Variants in FAM89A observed in about 807,000 individuals in gnomAD.
FAM89A encodes family with sequence similarity 89 member A.
A neutral mutation model predicts 7.1 loss-of-function variants in FAM89A; 10 were observed. The observed-to-expected ratio is 1.40, with a 90% CI of 0.86 to 2.38. The LOEUF is 2.38. FAM89A is among the 30% of genes most tolerant of loss of function. The pLI, the probability that FAM89A is intolerant of heterozygous loss-of-function variation, is 0.00. For missense variants in FAM89A, 276 were observed against 262.8 expected, an observed-to-expected ratio of 1.05 and a Z score of -0.35; for synonymous variants, 157 against 129.3, an observed-to-expected ratio of 1.21 and a Z score of -1.45.
rs181224455 is a variant in FAM89A at position 231,031,778 on chromosome 1, A to G, written c.291+8143T>C. Among the ~76,000 whole-genome samples the G allele has an allele frequency of 6.9e-4, 105 of 152,358 alleles. No individual in the cohort carries two copies. The East Asian group carries it at 0.011, about 16-fold the overall frequency. ...TGTTTTGTAACTTTACACTGTGAAC[A>G]TCTTTCTATATACATATATAGTTAC... On this transcript the variant is annotated intron_variant, in intron 1 of 1. Coordinates refer to ENST00000366654, the MANE Select transcript of FAM89A (RefSeq NM_198552.3).
At chr1:231,038,793 T>C (rs957370592) in intron 1 of FAM89A, among the ~76,000 whole-genome samples, 3 of 152,204 alleles carry the variant, frequency 2.0e-5, no homozygotes, top group Admixed American at 1.3e-4. Flanking sequence ...AAAAAAAGTA[T>C]GCATACCCTG....
intron 1 of FAM89A, 69 bp downstream of exon 1, chr1:231,039,852 G>C: frequency 7.9e-7 from 1 of 1,262,092 alleles, no homozygotes; most frequent in Non-Finnish European, 1.0e-6. Flanking sequence ...ACAGAGCGCG[G>C]TCCCCGCGAA....
chr1:231,020,570 A>G (rs1679858438), intron 1 of FAM89A, among the ~76,000 whole-genome samples: 1 of 152,188 alleles, frequency 6.6e-6, no homozygotes, highest in Non-Finnish European at 1.5e-5. Flanking sequence ...CTCAACTCCC[A>G]GGGGCAACAG....
chr1:231,022,572 ACACATT>A (rs1326067416), intron 1 of FAM89A, among the ~76,000 whole-genome samples: 3 of 152,124 alleles, frequency 2.0e-5, no homozygotes, highest in Non-Finnish European at 4.4e-5. Context: ...TCTGCCTGCC[ACACATT>A]GACCAAGCCA....
chr1:231,019,252 T>C lies in FAM89A; in HGVS notation c.*611A>G, dbSNP rs1286206605. ...CGTATCTGATAGACAAAGAATGATA[T>C]AAAATTTTGGTTGAAAAAAGCCAGT... On this transcript the variant is annotated 3_prime_UTR_variant, in exon 2 of 2. Coordinates refer to ENST00000366654, the MANE Select transcript of FAM89A (RefSeq NM_198552.3). The C allele has an allele frequency of 6.6e-6, 1 of 151,462 alleles. No homozygotes were observed. The highest frequency in any genetic ancestry group is 1.5e-5 in the Non-Finnish European group (1 of 67,956). The allele number at this position is 151,462 out of a possible 1,614,324, so 9.4% of individuals were successfully genotyped here.
At chr1:231,022,243 C>T (rs1679892346) in intron 1 of FAM89A, 1 of 834,948 alleles carries the variant, frequency 1.2e-6, no homozygotes, top group African/African-American at 1.7e-5. Context: ...TGGTATCTGC[C>T]TCCATTTTCC....
chr1:231,019,207 C>T lies in FAM89A; in HGVS notation c.*656G>A, dbSNP rs1180898914. The T allele has an allele frequency of 3.5e-5, 5 of 142,216 alleles. No individual in the cohort carries two copies. Among genetic ancestry groups the T allele is most frequent in the African/African-American group, 1.3e-4 (5 of 38,386 alleles). 8.8% of individuals were successfully genotyped at this position (142,216 alleles called of 1,614,324 possible). ...TTTTTTTCACTATTCAACATGTCTT[C>T]GTATTATCTTCCTTCCTCTCGTATC... On this transcript the variant is annotated 3_prime_UTR_variant, in exon 2 of 2. Transcript: ENST00000366654.
chr1:231,027,259 G>C (rs929420253), intron 1 of FAM89A, among the ~76,000 whole-genome samples: 1 of 152,122 alleles, frequency 6.6e-6, no homozygotes, highest in African/African-American at 2.4e-5. Flanking sequence ...AAAGCAAAGA[G>C]GATCTCTCCC....
intron 1 of FAM89A, among the ~76,000 whole-genome samples, chr1:231,027,185 C>T (rs1679989320): frequency 1.3e-5 from 2 of 152,158 alleles, no homozygotes; most frequent in South Asian, 4.1e-4. Flanking sequence ...AGGCTTTTCT[C>T]CTGACAGTGC....
At position 231,039,905 on chromosome 1, in the gene FAM89A, G is replaced by T. The variant is rs1680229404; in HGVS notation, c.291+16C>A. ...GCCCGGCCGGGAAGAGCCCCAGCTCGCGGAGCCCCACTCACCATCTCTTTG... is the reference window on the plus strand; with the variant it reads ...GCCCGGCCGGGAAGAGCCCCAGCTCTCGGAGCCCCACTCACCATCTCTTTG... On this transcript the variant is annotated intron_variant, in intron 1 of 1. Transcript: ENST00000366654. The T allele has an allele frequency of 4.6e-6, 6 of 1,292,632 alleles. No individual in the cohort carries two copies. The highest frequency in any genetic ancestry group is 5.9e-6 in the Non-Finnish European group (6 of 1,021,980). 80.1% of individuals were successfully genotyped at this position (1,292,632 alleles called of 1,614,324 possible).
Position 231,019,695 on chromosome 1 carries a change from C to T in FAM89A, c.*168G>A. The T allele has an allele frequency of 1.4e-6, 1 of 712,330 alleles. No homozygotes were observed. Among genetic ancestry groups the T allele is most frequent in the Non-Finnish European group, 2.3e-6 (1 of 438,860 alleles). The allele number at this position is 712,330 out of a possible 1,614,324, so 44.1% of individuals were successfully genotyped here. Reference sequence around the variant, plus strand: ...TGCTGCCATCAAAGCAGACTGCCACCATGCATCCGCGGAGAACTCCCTGCC... The same window carrying T: ...TGCTGCCATCAAAGCAGACTGCCACTATGCATCCGCGGAGAACTCCCTGCC... On this transcript the variant is annotated 3_prime_UTR_variant, in exon 2 of 2. Transcript: ENST00000366654.
chr1:231,021,115 A>C (rs1448771434), intron 1 of FAM89A, among the ~76,000 whole-genome samples: 2 of 152,214 alleles, frequency 1.3e-5, no homozygotes, highest in Non-Finnish European at 2.9e-5. Context: ...CCCTATGGTG[A>C]TTCCGTGCTA....
intron 1 of FAM89A, chr1:231,022,022 A>G: frequency 7.4e-7 from 1 of 1,351,466 alleles, no homozygotes; most frequent in Non-Finnish European, 1.1e-6. Context: ...CTGCATGGAC[A>G]GATATTCAGA....
chr1:231,020,012 C>T lies in FAM89A; in HGVS notation c.406G>A (p.Ala136Thr), dbSNP rs762901695. Residue 136 changes from alanine to threonine, a missense_variant, in exon 2 of 2, where the codon GCT becomes ACT. By Grantham distance (58) the Ala-to-Thr change is moderately conservative. Coordinates refer to ENST00000366654, the MANE Select transcript of FAM89A (RefSeq NM_198552.3). ...TCATCGAAGAAGCCGTTCTCCAGAG[C>T]GTAAGTGCAGTCTGGGCTGGAGGCT... is the stretch of plus-strand genomic sequence containing the variant. ...QAASSPDCTY[A>T]LENGFFDEEE... is the part of the protein sequence containing the mutation. 5.3e-5 allele frequency: 85 copies of T among 1,613,986 alleles called. No homozygotes were observed. In the Admixed American group the frequency reaches 9.2e-4, roughly 17 times the overall value.
intron 1 of FAM89A, among the ~76,000 whole-genome samples, chr1:231,035,913 G>C (rs1343332580): frequency 6.6e-6 from 1 of 152,180 alleles, no homozygotes; most frequent in African/African-American, 2.4e-5. Flanking sequence ...ATACAATCTT[G>C]TCCTTGTCAC....
chr1:231,036,068 C>T (rs1199144565), intron 1 of FAM89A, among the ~76,000 whole-genome samples: 1 of 152,160 alleles, frequency 6.6e-6, no homozygotes, highest in Non-Finnish European at 1.5e-5. Context: ...AGGGAAAAAA[C>T]AAAACAGAGG....
At chr1:231,032,562 T>C (rs1312397579) in intron 1 of FAM89A, among the ~76,000 whole-genome samples, 2 of 152,092 alleles carry the variant, frequency 1.3e-5, no homozygotes, top group Non-Finnish European at 2.9e-5. Context: ...ACTTCTCTTT[T>C]AGCAGCATTT....
intron 1 of FAM89A, among the ~76,000 whole-genome samples, chr1:231,030,370 C>G (rs1042059751): frequency 1.3e-5 from 2 of 152,216 alleles, no homozygotes; most frequent in African/African-American, 2.4e-5. Context: ...CCAGGTAAAG[C>G]TGTTTGAATT....
chr1:231,022,650 G>A (rs1268602095), intron 1 of FAM89A, among the ~76,000 whole-genome samples: 1 of 152,160 alleles, frequency 6.6e-6, no homozygotes, highest in Non-Finnish European at 1.5e-5. Flanking sequence ...GCCCTGAAAA[G>A]ACCAATCACT....
Sources: gnomAD v4.1 joint callset for allele counts (sites outside exome capture counted in the v4.1 genomes callset) on GRCh38, gnomAD v4.1.1 for gene constraint, MANE v1.5 for transcripts, NCBI Gene and HGNC (gene_info 2026-07-23, HGNC 2026-07-21) for gene names.